The following PNLIPRP3 variants were observed in gnomAD, a reference collection of about 807,000 sequenced individuals.
The protein encoded by PNLIPRP3 is pancreatic lipase related protein 3.
Under a neutral mutation model 52.8 loss-of-function variants are expected in PNLIPRP3, and 58 were observed. The ratio of observed to expected loss-of-function variants is 1.10; its 90% CI spans 0.89 to 1.37. PNLIPRP3 has a LOEUF of 1.37. Among genes scored for constraint, PNLIPRP3 ranks in the 40% most tolerant of loss-of-function variants. The pLI, the probability that PNLIPRP3 is intolerant of heterozygous loss-of-function variation, is 0.00. For missense variants in PNLIPRP3, 593 were observed against 561.6 expected, an observed-to-expected ratio of 1.06 and a Z score of -0.57; for synonymous variants, 192 against 185.0, an observed-to-expected ratio of 1.04 and a Z score of -0.31.
chr10:116,453,086 G>A (rs1846062390), intron 4 of PNLIPRP3, among the ~76,000 whole-genome samples: 1 of 152,198 alleles, frequency 6.6e-6, no homozygotes, highest in South Asian at 2.1e-4. Flanking sequence ...ACAGGGGCAG[G>A]GCTGCCCAAG....
intron 2 of PNLIPRP3, chr10:116,440,017 T>C: frequency 1.3e-6 from 1 of 767,410 alleles, no homozygotes. Flanking sequence ...CATCTTGCCG[T>C]TTGGTTTCTA....
At chr10:116,472,884 G>C (rs1006810890) in intron 10 of PNLIPRP3, among the ~76,000 whole-genome samples, 4 of 152,208 alleles carry the variant, frequency 2.6e-5, no homozygotes, top group Non-Finnish European at 4.4e-5. Flanking sequence ...CTTTGCTGCA[G>C]ATACTTTTTC....
Position 116,440,058 on chromosome 10 carries a change from G to T in PNLIPRP3, c.205-2997G>T. 3 of 717,442 alleles carry T rather than the reference G, an allele frequency of 4.2e-6. 1 individual carries two copies. The South Asian group carries it at 4.5e-5, about 11-fold the overall frequency. The allele number at this position is 717,442 out of a possible 1,614,324, so 44.4% of individuals were successfully genotyped here. ...CACCTTTAGCCATCCTGACTGTATT[G>T]TTCGCTAGTAGATCAACTTTTTTTT... On this transcript the variant is annotated intron_variant, in intron 2 of 11. Transcript: ENST00000369230.
At chr10:116,438,101 G>C (rs191597137) in intron 2 of PNLIPRP3, among the ~76,000 whole-genome samples, 50 of 152,308 alleles carry the variant, frequency 3.3e-4, no homozygotes, top group African/African-American at 1.2e-3. Flanking sequence ...GAGGATAAAA[G>C]AGAAGGAGTT....
In PNLIPRP3 at chr10:116,431,362, GC is replaced by G. The variant is rs532153197; in HGVS notation, c.49+3304del. Among the ~76,000 whole-genome samples the G allele has an allele frequency of 9.2e-5, 14 of 152,204 alleles. No homozygotes were observed. The East Asian group carries it at 2.7e-3, about 29-fold the overall frequency. ...GAACTACCAAATGCTACATGCTTTA[GC>G]CCTCTGTTACCTCCTAGCATTAACC... On this transcript the variant is annotated intron_variant, in intron 1 of 11. Coordinates refer to ENST00000369230, the MANE Select transcript of PNLIPRP3 (RefSeq NM_001011709.3).
rs1463879090 is a variant in PNLIPRP3, at chr10:116,461,023, C to T, written c.623C>T (p.Pro208Leu). 1 of 1,613,768 alleles carries T rather than the reference C, an allele frequency of 6.2e-7. No individual in the cohort carries two copies. Among genetic ancestry groups the T allele is most frequent in the Non-Finnish European group, 8.5e-7 (1 of 1,180,024 alleles). ...HNTPKEVRLD[P>L]SDANFVDVIH... ...ACTCCAAAGGAAGTCAGGCTAGACC[C>T]CTCGGATGCCAACTTTGTTGACGTT... is the stretch of plus-strand genomic sequence containing the variant. Residue 208 changes from proline (P) to leucine (L), a missense_variant, in exon 6 of 12, where the codon CCC becomes CTC. Physicochemically the swap from Pro to Leu is moderately conservative, Grantham distance 98 (BLOSUM62 -3). Coordinates refer to ENST00000369230, the MANE Select transcript of PNLIPRP3 (RefSeq NM_001011709.3).
chr10:116,444,585 T>C (rs1845916367), intron 4 of PNLIPRP3, 72 bp downstream of exon 4: 17 of 1,427,004 alleles, frequency 1.2e-5, no homozygotes, highest in Non-Finnish European at 1.7e-5. Flanking sequence ...GTTGGGACAA[T>C]TTAATGTCTT....
intron 1 of PNLIPRP3, among the ~76,000 whole-genome samples, chr10:116,428,824 T>C (rs548140812): frequency 1.3e-5 from 2 of 152,292 alleles, no homozygotes; most frequent in South Asian, 4.1e-4. Flanking sequence ...TGTTGTAAAG[T>C]ATCACGTAGT....
At chr10:116,456,121 A>G (rs559203408) in intron 5 of PNLIPRP3, among the ~76,000 whole-genome samples, 1 of 152,290 alleles carries the variant, frequency 6.6e-6, no homozygotes, top group Admixed American at 6.5e-5. Context: ...GGGATTTCAT[A>G]CCAGTAATGC....
chr10:116,469,212 G>T lies in PNLIPRP3; in HGVS notation c.955G>T (p.Gly319Cys), dbSNP rs141110905. 3.1e-6 allele frequency: 5 copies of T among 1,611,914 alleles called. No homozygotes were observed. Among genetic ancestry groups the T allele is most frequent in the South Asian group, 2.2e-5 (2 of 90,306 alleles). ...AGNCFFCSKE[G>C]CPTMGHFADR... ...AAATTGCTTCTTTTGTTCCAAAGAAGGTTGCCCAACAATGGGTCATTTTGC... is the reference window on the plus strand; with the variant it reads ...AAATTGCTTCTTTTGTTCCAAAGAATGTTGCCCAACAATGGGTCATTTTGC... Residue 319 changes from glycine (G) to cysteine (C), a missense_variant, in exon 9 of 12, where the codon GGT becomes TGT. Transcript: ENST00000369230.
chr10:116,450,922 T>A (rs566950399), intron 4 of PNLIPRP3, among the ~76,000 whole-genome samples: 22 of 151,778 alleles, frequency 1.4e-4, no homozygotes, highest in African/African-American at 4.6e-4. Context: ...GCCTTTTTTT[T>A]AACAGAAATA....
chr10:116,457,192 T>C (rs1846127997), intron 5 of PNLIPRP3, among the ~76,000 whole-genome samples: 1 of 152,236 alleles, frequency 6.6e-6, no homozygotes, highest in African/African-American at 2.4e-5. Flanking sequence ...CATGTGCCTC[T>C]TTTGTGTTTG....
At chr10:116,441,598 G>T (rs1193086915) in intron 2 of PNLIPRP3, among the ~76,000 whole-genome samples, 1 of 152,138 alleles carries the variant, frequency 6.6e-6, no homozygotes, top group Non-Finnish European at 1.5e-5. Flanking sequence ...GCCTGAAGAT[G>T]ATTGATTTTA....
chr10:116,470,559 G>C (rs968425968), intron 9 of PNLIPRP3, among the ~76,000 whole-genome samples: 4 of 150,972 alleles, frequency 2.6e-5, no homozygotes, highest in South Asian at 4.2e-4. Context: ...GCCCAGGCTG[G>C]AGTGCAGTGG....
At chr10:116,453,679 C>A (rs902521244) in intron 4 of PNLIPRP3, among the ~76,000 whole-genome samples, 1 of 152,046 alleles carries the variant, frequency 6.6e-6, no homozygotes, top group Non-Finnish European at 1.5e-5. Context: ...CGGCCCCTCC[C>A]CACTTGCCTT....
chr10:116,475,914 CT>C (rs973826560), intron 10 of PNLIPRP3, among the ~76,000 whole-genome samples: 5 of 152,096 alleles, frequency 3.3e-5, no homozygotes, highest in African/African-American at 9.7e-5. Flanking sequence ...AAAAAAGGGA[CT>C]GTTTCATCAG....
At chr10:116,476,840 T>C in intron 11 of PNLIPRP3, 21 bp downstream of exon 11, 1 of 1,547,064 alleles carries the variant, frequency 6.5e-7, no homozygotes, top group Non-Finnish European at 8.7e-7. Context: ...CTTTTTCCTT[T>C]TCATTTTCGT....
intron 1 of PNLIPRP3, among the ~76,000 whole-genome samples, chr10:116,429,261 G>T (rs754965392): frequency 6.6e-6 from 1 of 152,066 alleles, no homozygotes. Context: ...AAACATAAAT[G>T]AATTTTGTGT....
At chr10:116,460,396 A>G (rs1255299695) in intron 5 of PNLIPRP3, among the ~76,000 whole-genome samples, 1 of 152,210 alleles carries the variant, frequency 6.6e-6, no homozygotes, top group Non-Finnish European at 1.5e-5. Context: ...ACATGACGCA[A>G]TGGGATGAGA....
Sources: allele counts gnomAD v4.1 joint callset (sites outside exome capture counted in the v4.1 genomes callset), GRCh38; gene constraint gnomAD v4.1.1; transcripts MANE v1.5; gene names NCBI Gene and HGNC (gene_info 2026-07-23, HGNC 2026-07-21).